The following AGAP1 variants were observed in gnomAD, a reference collection of about 807,000 sequenced individuals.
The protein encoded by AGAP1 is ArfGAP with GTPase domain, ankyrin repeat and PH domain 1, also known as arf-GAP with GTPase, ANK repeat and PH domain-containing protein 1.
Under a neutral mutation model 105.3 loss-of-function variants are expected in AGAP1, and 29 were observed. The observed-to-expected ratio is 0.28, with a 90% CI of 0.21 to 0.38. The LOEUF (loss-of-function observed/expected upper bound fraction) is 0.38, where lower values mean the gene tolerates loss of function less well. Among genes scored for constraint, AGAP1 ranks in the 10% least tolerant of loss-of-function variants. The pLI is 1.00. For missense variants in AGAP1, 998 were observed against 1,165.1 expected, an observed-to-expected ratio of 0.86 and a Z score of 2.09; for synonymous variants, 509 against 485.9, an observed-to-expected ratio of 1.05 and a Z score of -0.63.
Position 235,569,570 on chromosome 2 carries a change from T to C in AGAP1, c.163+74721T>C, listed in dbSNP as rs1300909026. Among the ~76,000 whole-genome samples the C allele has an allele frequency of 6.6e-6, 1 of 152,172 alleles. No individual in the cohort carries two copies. The highest frequency in any genetic ancestry group is 1.5e-5 in the Non-Finnish European group (1 of 68,024). On this transcript the variant is annotated intron_variant, in intron 1 of 17. Coordinates refer to ENST00000304032, the MANE Select transcript of AGAP1 (RefSeq NM_001037131.3). This position sits in a 1 kb window ranked among gnomAD's most constrained non-coding sequence, Gnocchi z 5.9. ...ATTCTGCCCTCTGCCCATGTGAGCA[T>C]GGTCTGTGAGCAAACCTTCCTGTGG...
chr2:235,529,510 CT>C (rs1371633756), intron 1 of AGAP1, among the ~76,000 whole-genome samples: 14 of 151,990 alleles, frequency 9.2e-5, no homozygotes, highest in African/African-American at 3.4e-4. Context: ...GGTGGGGTGT[CT>C]GTGGGACAGG....
At chr2:236,099,989 G>A (rs900081672) in intron 16 of AGAP1, among the ~76,000 whole-genome samples, 13 of 152,126 alleles carry the variant, frequency 8.5e-5, no homozygotes, top group African/African-American at 2.4e-4. Flanking sequence ...CCAGTGAGCC[G>A]AGATCAGGCC....
At chr2:235,897,047 CTT>C (rs1370578745) in intron 10 of AGAP1, among the ~76,000 whole-genome samples, 2 of 152,128 alleles carry the variant, frequency 1.3e-5, no homozygotes, top group African/African-American at 4.8e-5. Flanking sequence ...ATAAAGTCCT[CTT>C]ATTTCTTTTT....
intron 9 of AGAP1, among the ~76,000 whole-genome samples, chr2:235,818,615 G>T (rs933879440): frequency 1.3e-5 from 2 of 152,042 alleles, no homozygotes; most frequent in African/African-American, 4.8e-5. Context: ...GCTACGTTTT[G>T]TATTTTTAGT....
At chr2:236,063,085 G>A (rs181755723) in intron 16 of AGAP1, among the ~76,000 whole-genome samples, 34 of 152,086 alleles carry the variant, frequency 2.2e-4, no homozygotes, top group Non-Finnish European at 2.2e-4. Context: ...ACTGCGCCCC[G>A]CTGTACTCAG....
intron 9 of AGAP1, among the ~76,000 whole-genome samples, chr2:235,869,553 ATC>A (rs1172196982): frequency 6.6e-6 from 1 of 151,968 alleles, no homozygotes; most frequent in Non-Finnish European, 1.5e-5. Flanking sequence ...GTGAGCCAAG[ATC>A]GCGCCACTGC....
chr2:235,981,896 A>G lies in AGAP1; in HGVS notation c.1645+13273A>G, dbSNP rs931064093. On this transcript the variant is annotated intron_variant, in intron 13 of 17. Transcript: ENST00000304032. This position sits in a 1 kb window ranked among gnomAD's most constrained non-coding sequence, Gnocchi z 5.5. ...CTTGGAAGGGGGCGCTTGTCTTTTC[A>G]GCGGTCTTGCCTCCGAATCTTGGCT... 1.3e-5 allele frequency among the ~76,000 whole-genome samples: 2 copies of G among 152,190 alleles called. No homozygotes were observed. Among genetic ancestry groups the G allele is most frequent in the African/African-American group, 4.8e-5 (2 of 41,456 alleles).
At chr2:235,836,030 C>CT (rs766119317) in intron 9 of AGAP1, among the ~76,000 whole-genome samples, 7 of 152,190 alleles carry the variant, frequency 4.6e-5, no homozygotes, top group Admixed American at 1.3e-4. Context: ...TGCTGAAACT[C>CT]TAACAGCATC....
intron 1 of AGAP1, chr2:235,507,412 A>AGCC (rs1941869205): frequency 6.6e-6 from 1 of 152,336 alleles, no homozygotes; most frequent in Non-Finnish European, 1.5e-5. Flanking sequence ...CTGCAGCAGC[A>AGCC]GCCGGTGCGG....
chr2:236,051,663 G>A lies in AGAP1; in HGVS notation c.2114+2382G>A, dbSNP rs886202979. Among the ~76,000 whole-genome samples the A allele has an allele frequency of 6.6e-6, 1 of 152,180 alleles. No individual in the cohort carries two copies. Among genetic ancestry groups the A allele is most frequent in the Non-Finnish European group, 1.5e-5 (1 of 68,030 alleles). On this transcript the variant is annotated intron_variant, in intron 16 of 17. Transcript: ENST00000304032. This position sits in a 1 kb window ranked among gnomAD's most constrained non-coding sequence, Gnocchi z 5.9. ...GGCCCAAAGAGCAGAAGCAGGAAGG[G>A]CCTCTGAGCCAGGGCTGGCACCTTA...
intron 1 of AGAP1, among the ~76,000 whole-genome samples, chr2:235,681,809 T>C (rs1378349800): frequency 6.6e-6 from 1 of 151,616 alleles, no homozygotes; most frequent in Non-Finnish European, 1.5e-5. Flanking sequence ...CACGTGTGTA[T>C]ACCTAAGTCC....
Position 235,875,363 on chromosome 2 carries a change from C to T in AGAP1, c.1051-7982C>T, listed in dbSNP as rs1002521046. 6.6e-6 allele frequency among the ~76,000 whole-genome samples: 1 copy of T among 152,182 alleles called. No individual in the cohort carries two copies. The highest frequency in any genetic ancestry group is 1.5e-5 in the Non-Finnish European group (1 of 68,040). ...CTTAGGATAAAAGCCCACCGAGGTG[C>T]GAGTCTCACCATCGTGCTGTCTGCT... On this transcript the variant is annotated intron_variant, in intron 9 of 17. Transcript: ENST00000304032. The surrounding 1 kb of genome is among the most constrained non-coding windows in gnomAD (Gnocchi z 4.0).
intron 12 of AGAP1, among the ~76,000 whole-genome samples, chr2:235,933,679 C>T (rs1470766933): frequency 3.3e-5 from 5 of 151,898 alleles, no homozygotes; most frequent in Non-Finnish European, 7.4e-5. Flanking sequence ...ACTGCAGGCA[C>T]GCGCCACCGT....
chr2:236,108,583 C>A (rs1479531535), intron 16 of AGAP1, among the ~76,000 whole-genome samples: 1 of 152,296 alleles, frequency 6.6e-6, no homozygotes, highest in South Asian at 2.1e-4. Context: ...GGCACACAGA[C>A]GCAAATTCTT....
chr2:236,108,584 G>A (rs2059561778), intron 16 of AGAP1, among the ~76,000 whole-genome samples: 1 of 152,172 alleles, frequency 6.6e-6, no homozygotes, highest in South Asian at 2.1e-4. Context: ...GCACACAGAC[G>A]CAAATTCTTC....
chr2:236,075,013 A>C (rs2058598701), intron 16 of AGAP1, among the ~76,000 whole-genome samples: 1 of 152,218 alleles, frequency 6.6e-6, no homozygotes. Context: ...AGATCACTCC[A>C]CTGCACTCCA....
chr2:235,648,775 T>C (rs537328833), intron 1 of AGAP1, among the ~76,000 whole-genome samples: 1 of 149,886 alleles, frequency 6.7e-6, no homozygotes, highest in African/African-American at 2.5e-5. Flanking sequence ...TAGCCCCAGC[T>C]ACTCGGGAGG....
chr2:235,672,895 T>G (rs1254233958), intron 1 of AGAP1, among the ~76,000 whole-genome samples: 1 of 152,236 alleles, frequency 6.6e-6, no homozygotes, highest in Non-Finnish European at 1.5e-5. Context: ...TTGGAATGTT[T>G]ATAGTAATGC....
rs2058764406 is a variant in AGAP1 at position 236,080,948 on chromosome 2, C to A, written c.2114+31667C>A. ...TCCCCTCTCAAGGGCCTTGTCTTAA[C>A]CGTATCTGCAGTTAGGTTGCCATGT... On this transcript the variant is annotated intron_variant, in intron 16 of 17. Transcript: ENST00000304032. The surrounding 1 kb of genome is among the most constrained non-coding windows in gnomAD (Gnocchi z 4.2). 6.6e-6 allele frequency among the ~76,000 whole-genome samples: 1 copy of A among 152,196 alleles called. No individual in the cohort carries two copies. Among genetic ancestry groups the A allele is most frequent in the Non-Finnish European group, 1.5e-5 (1 of 68,046 alleles).
Sources: allele counts gnomAD v4.1 joint callset (sites outside exome capture counted in the v4.1 genomes callset), GRCh38; gene constraint gnomAD v4.1.1; non-coding constraint Gnocchi (gnomAD v3.1); transcripts MANE v1.5; gene names NCBI Gene and HGNC (gene_info 2026-07-23, HGNC 2026-07-21).